The following ZNF26 variants were observed in gnomAD, a reference collection of about 807,000 sequenced individuals.
The protein encoded by ZNF26 is zinc finger protein 26.
Under a neutral mutation model 54.9 loss-of-function variants are expected in ZNF26, and 32 were observed. That is an observed-to-expected ratio of 0.58 (90% confidence interval 0.44 to 0.78). The LOEUF (loss-of-function observed/expected upper bound fraction) is 0.78, where lower values mean the gene tolerates loss of function less well. ZNF26 is among the 30% of genes least tolerant of loss of function. The pLI, the probability that ZNF26 is intolerant of heterozygous loss-of-function variation, is 0.00. For missense variants in ZNF26, 524 were observed against 634.0 expected (o/e 0.83, Z 1.86); for synonymous variants, 221 against 209.2 (o/e 1.06, Z -0.49).
Position 133,011,458 on chromosome 12 carries a change from A to G in ZNF26, c.1579A>G (p.Ile527Val). The change falls in exon 4 of 4, where the codon ATA (isoleucine) becomes GTA (valine). Residue 527 changes from isoleucine to valine, a missense_variant. Ile to Val is a conservative substitution (Grantham distance 29). Transcript: ENST00000328654. ...KSFCWNSGLR[I>V]HRKTHK is the part of the protein sequence containing the mutation. ...CTTCTGTTGGAATTCAGGGCTTCGT[A>G]TACATCGGAAGACTCATAAATGAGA... 6.4e-7 allele frequency: 1 copy of G among 1,566,576 alleles called. No individual in the cohort carries two copies. The highest frequency in any genetic ancestry group is 8.6e-7 in the Non-Finnish European group (1 of 1,159,864).
At chr12:133,006,110 T>C (rs1396771365) in intron 1 of ZNF26, 1 of 985,316 alleles carries the variant, frequency 1.0e-6, no homozygotes, top group African/African-American at 1.7e-5. Flanking sequence ...TGAATTTCCC[T>C]GCTGTTCCCT....
At chr12:132,990,940 C>A (rs1413712088) in intron 1 of ZNF26, among the ~76,000 whole-genome samples, 10 of 151,982 alleles carry the variant, frequency 6.6e-5, no homozygotes, top group Admixed American at 2.0e-4. Context: ...CTCACTGCAA[C>A]CTCTGCCTCC....
At chr12:133,005,021 GT>G (rs1352686938) in intron 1 of ZNF26, 2 of 150,670 alleles carry the variant, frequency 1.3e-5, no homozygotes, top group Admixed American at 1.3e-4. Flanking sequence ...CCTTTTTTTT[GT>G]TTGTTAACTT....
In ZNF26 at chr12:133,011,250, T is replaced by C; in HGVS notation, c.1371T>C (p.Asn457=). Residue 457 remains asparagine, a synonymous_variant, in exon 4 of 4, where the codon AAT becomes AAC. Coordinates refer to ENST00000328654, the MANE Select transcript of ZNF26 (RefSeq NM_019591.4). ...THSTEKPYEC[N]ECEKAYPRKA... ...CAACTGAGAAGCCCTATGAATGCAA[T>C]GAATGTGAAAAAGCCTACCCTAGGA... 1.9e-6 allele frequency: 3 copies of C among 1,614,060 alleles called. No individual in the cohort carries two copies. Among genetic ancestry groups the C allele is most frequent in the Non-Finnish European group, 2.5e-6 (3 of 1,179,974 alleles).
Position 133,020,156 on chromosome 12 carries a change from T to C in ZNF26, c.*8675T>C, listed in dbSNP as rs1309164088. ...ACAAATGGATAAAGAAAGTGTGATA[T>C]ATATAAACACAGTCAATATGTCTAT... On this transcript the variant is annotated 3_prime_UTR_variant, in exon 4 of 4. Transcript: ENST00000328654. 6 of 152,090 alleles carry C rather than the reference T, an allele frequency of 3.9e-5. No individual in the cohort carries two copies. Among genetic ancestry groups the C allele is most frequent in the African/African-American group, 1.4e-4 (6 of 41,408 alleles). 9.4% of individuals were successfully genotyped at this position (152,090 alleles called of 1,614,324 possible). A position where few individuals can be genotyped will look rare whatever the true frequency, so the allele number is the denominator to read the frequency against.
Position 133,014,099 on chromosome 12 carries a change from T to C in ZNF26, c.*2618T>C, listed in dbSNP as rs1179642114. On this transcript the variant is annotated 3_prime_UTR_variant, in exon 4 of 4. Transcript: ENST00000328654. ...GTTCCCCATGGCTTATTTTTACCAG[T>C]TTGGTAACAATAATCTACACTAAAC... The C allele has an allele frequency of 6.6e-6, 1 of 152,106 alleles. No homozygotes were observed. Among genetic ancestry groups the C allele is most frequent in the Non-Finnish European group, 1.5e-5 (1 of 68,040 alleles). 9.4% of individuals were successfully genotyped at this position (152,106 alleles called of 1,614,324 possible). A position where few individuals can be genotyped will look rare whatever the true frequency, so the allele number is the denominator to read the frequency against.
intron 1 of ZNF26, among the ~76,000 whole-genome samples, chr12:132,995,824 G>T (rs890310801): frequency 6.6e-6 from 1 of 152,104 alleles, no homozygotes; most frequent in Non-Finnish European, 1.5e-5. Context: ...GATAATTTTT[G>T]TATATTTAGT....
intron 1 of ZNF26, among the ~76,000 whole-genome samples, chr12:132,992,759 A>G (rs1952990859): frequency 6.6e-6 from 1 of 152,074 alleles, no homozygotes; most frequent in African/African-American, 2.4e-5. Context: ...AAGTCAAACC[A>G]CTGTGCGTCA....
chr12:132,989,287 C>A lies in ZNF26; in HGVS notation c.33+2414C>A, dbSNP rs894037076. On this transcript the variant is annotated intron_variant, in intron 1 of 3. Transcript: ENST00000328654. Reference sequence around the variant, plus strand: ...TCCTGACCTCGTGATCAGCCCACCTCGGCCTCCTAAAGTGCTAGGATTACA... The same window carrying A: ...TCCTGACCTCGTGATCAGCCCACCTAGGCCTCCTAAAGTGCTAGGATTACA... Among the ~76,000 whole-genome samples the A allele has an allele frequency of 2.8e-3, 424 of 152,218 alleles. 2 individuals carry two copies. The highest frequency in any genetic ancestry group is 9.8e-3 in the African/African-American group (406 of 41,550).
chr12:133,012,323 A>AG lies in ZNF26; in HGVS notation c.*844dup, dbSNP rs1304478124. On this transcript the variant is annotated 3_prime_UTR_variant, in exon 4 of 4. Transcript: ENST00000328654. ...TTCAGGTATCCGTTCCACTAGCTAC[A>AG]GGTGAGCATTTTACCCATTGTTGGA... 5 of 152,306 alleles carry AG rather than the reference A, an allele frequency of 3.3e-5. No homozygotes were observed. Among genetic ancestry groups the AG allele is most frequent in the Non-Finnish European group, 7.3e-5 (5 of 68,028 alleles). 9.4% of individuals were successfully genotyped at this position (152,306 alleles called of 1,614,324 possible). A position where few individuals can be genotyped will look rare whatever the true frequency, so the allele number is the denominator to read the frequency against.
intron 1 of ZNF26, among the ~76,000 whole-genome samples, chr12:132,990,173 A>G (rs1302272149): frequency 2.0e-5 from 3 of 152,200 alleles, no homozygotes; most frequent in Non-Finnish European, 4.4e-5. Context: ...CTGTAGTCTC[A>G]GCTACTGAGG....
Position 133,012,614 on chromosome 12 carries a change from C to CT in ZNF26, c.*1134dup, listed in dbSNP as rs1295797301. The CT allele has an allele frequency of 2.7e-4, 9 of 33,882 alleles. No homozygotes were observed. The highest frequency in any genetic ancestry group is 4.1e-4 in the Non-Finnish European group (7 of 17,218). 2.1% of individuals were successfully genotyped at this position (33,882 alleles called of 1,614,324 possible). A position where few individuals can be genotyped will look rare whatever the true frequency, so the allele number is the denominator to read the frequency against. On this transcript the variant is annotated 3_prime_UTR_variant, in exon 4 of 4. Coordinates refer to ENST00000328654, the MANE Select transcript of ZNF26 (RefSeq NM_019591.4). ...TTTTTTTTTTTTTTTTTTTTTGAGA[C>CT]TAAGTTTCACTCTTGTCCTCCAGGC... is the stretch of plus-strand genomic sequence containing the variant.
chr12:133,011,125 C>G lies in ZNF26; in HGVS notation c.1246C>G (p.His416Asp), dbSNP rs1259686905. ...CAGCAGCAAGTCATACCTTGTTATA[C>G]ATAGGAGAACACACACCGGAGAGAG... ...AFSSKSYLVIHRRTHTGERPY... is the reference protein window; with the variant it reads ...AFSSKSYLVIDRRTHTGERPY... The change falls in exon 4 of 4, where the codon CAT becomes GAT. Residue 416 changes from histidine to aspartate, a missense_variant. Coordinates refer to ENST00000328654, the MANE Select transcript of ZNF26 (RefSeq NM_019591.4). 6.2e-7 allele frequency: 1 copy of G among 1,614,038 alleles called. No homozygotes were observed. The highest frequency in any genetic ancestry group is 8.5e-7 in the Non-Finnish European group (1 of 1,180,036).
At chr12:133,006,182 C>T in intron 1 of ZNF26, 1 of 984,836 alleles carries the variant, frequency 1.0e-6, no homozygotes, top group Non-Finnish European at 1.2e-6. Flanking sequence ...CCATCTTAGA[C>T]TGGGTTGCCC....
intron 3 of ZNF26, among the ~76,000 whole-genome samples, chr12:133,008,790 A>G (rs1033779241): frequency 8.6e-4 from 130 of 151,762 alleles, no homozygotes; most frequent in Middle Eastern, 6.8e-3. Context: ...AAAAAAAAAA[A>G]AAAAAGAAAA....
Position 133,008,184 on chromosome 12 carries a change from C to T in ZNF26, c.256+652C>T, listed in dbSNP as rs951790602. Among the ~76,000 whole-genome samples the T allele has an allele frequency of 7.9e-5, 12 of 152,248 alleles. No individual in the cohort carries two copies. In the South Asian group the frequency reaches 1.5e-3, roughly 18 times the overall value. ...CCTGGGTTTTACCTGCCTGTGGGAGCGCTACCCCACGCTTTCCCAGACTTT... is the reference window on the plus strand; with the variant it reads ...CCTGGGTTTTACCTGCCTGTGGGAGTGCTACCCCACGCTTTCCCAGACTTT... On this transcript the variant is annotated intron_variant, in intron 3 of 3. Coordinates refer to ENST00000328654, the MANE Select transcript of ZNF26 (RefSeq NM_019591.4).
intron 1 of ZNF26, among the ~76,000 whole-genome samples, chr12:132,990,533 T>A (rs2137210090): frequency 6.6e-6 from 1 of 152,306 alleles, no homozygotes; most frequent in East Asian, 1.9e-4. Flanking sequence ...CTGGTTTTGG[T>A]ATTAGAGCGA....
At chr12:133,007,320 A>C (rs1953353036) in intron 2 of ZNF26, 117 bp from the exon 3 acceptor site, 1 of 1,304,852 alleles carries the variant, frequency 7.7e-7, no homozygotes, top group Non-Finnish European at 1.1e-6. Context: ...TTTGTCCCAC[A>C]CTTCCTAATT....
At position 132,993,303 on chromosome 12, in the gene ZNF26, G is replaced by T. The variant is rs539803670; in HGVS notation, c.33+6430G>T. ...GCCTCTCAAAGTGCTGGGATTACAG[G>T]TGTGAGCCACTACGCCTGGCCTGCC... is the stretch of plus-strand genomic sequence containing the variant. On this transcript the variant is annotated intron_variant, in intron 1 of 3. Coordinates refer to ENST00000328654, the MANE Select transcript of ZNF26 (RefSeq NM_019591.4). Among the ~76,000 whole-genome samples the T allele has an allele frequency of 3.4e-4, 52 of 152,078 alleles. No homozygotes were observed. The South Asian group carries it at 0.01, about 30-fold the overall frequency.
Sources: allele counts gnomAD v4.1 joint callset (sites outside exome capture counted in the v4.1 genomes callset), GRCh38; gene constraint gnomAD v4.1.1; transcripts MANE v1.5; gene names NCBI Gene and HGNC (gene_info 2026-07-23, HGNC 2026-07-21).